GPC6: variants seen among roughly 807,000 people sequenced by gnomAD.
GPC6 encodes glypican-6.
GPC6 carries 14 observed loss-of-function variants against 55.2 expected under a neutral mutation model. That is an observed-to-expected ratio of 0.25 (90% CI 0.17 to 0.40). The LOEUF (loss-of-function observed/expected upper bound fraction) is 0.40. Among genes scored for constraint, GPC6 ranks in the 10% least tolerant of loss-of-function variants. GPC6 has a pLI of 1.00. For missense variants in GPC6, 641 were observed against 708.5 expected (o/e 0.90, Z 1.08); for synonymous variants, 278 against 259.6 (o/e 1.07, Z -0.68).
chr13:94,142,160 G>A (rs1217433137), intron 4 of GPC6, among the ~76,000 whole-genome samples: 1 of 152,238 alleles, frequency 6.6e-6, no homozygotes, highest in South Asian at 2.1e-4. Context: ...ATGTGAAGAC[G>A]CATTTAAAAG....
rs916638100 is a variant in GPC6, at chr13:94,254,937, G to A, written c.878-31412G>A. Among the ~76,000 whole-genome samples, 55 of 152,028 alleles carry A rather than the reference G, an allele frequency of 3.6e-4. 2 individuals carry two copies. Among genetic ancestry groups the A allele is most frequent in the Non-Finnish European group, 1.0e-4 (7 of 67,992 alleles). The stretch of plus-strand genomic sequence containing the variant: ...CTAAGTTTTTACATATAAATATTAG[G>A]AAATCATTTAGAACATCTGGAAAGC... On this transcript the variant is annotated intron_variant, in intron 4 of 8. Coordinates refer to ENST00000377047, the MANE Select transcript of GPC6 (RefSeq NM_005708.5).
At chr13:94,259,783 T>C (rs1891603955) in intron 4 of GPC6, among the ~76,000 whole-genome samples, 1 of 152,224 alleles carries the variant, frequency 6.6e-6, no homozygotes, top group South Asian at 2.1e-4. Context: ...GTCCTGCTTA[T>C]TTCACTTAGC....
chr13:94,357,779 T>C (rs2139176557), intron 6 of GPC6, among the ~76,000 whole-genome samples: 1 of 152,322 alleles, frequency 6.6e-6, no homozygotes, highest in African/African-American at 2.4e-5. Context: ...AAATACATAC[T>C]CTACACTCAG....
chr13:93,973,710 G>A (rs1019246265), intron 3 of GPC6, among the ~76,000 whole-genome samples: 1 of 152,114 alleles, frequency 6.6e-6, no homozygotes, highest in African/African-American at 2.4e-5. Context: ...CCCTGTTTCA[G>A]TTATTTTATA....
chr13:94,358,286 CA>C (rs572937217), intron 6 of GPC6, among the ~76,000 whole-genome samples: 2,010 of 63,878 alleles, frequency 0.031, 22 homozygotes, highest in African/African-American at 0.087. Flanking sequence ...AAGACTCCGT[CA>C]AAAAAAAAAA....
At chr13:93,882,764 T>G (rs899508671) in intron 3 of GPC6, among the ~76,000 whole-genome samples, 6 of 152,230 alleles carry the variant, frequency 3.9e-5, no homozygotes, top group African/African-American at 1.2e-4. Context: ...CTGTTCTGTC[T>G]TAAACCAAAC....
chr13:94,052,491 A>G (rs1037312102), intron 4 of GPC6, among the ~76,000 whole-genome samples: 23 of 152,296 alleles, frequency 1.5e-4, no homozygotes, highest in South Asian at 1.2e-3. Flanking sequence ...TATTTATGCT[A>G]TGGAGATTCA....
intron 3 of GPC6, among the ~76,000 whole-genome samples, chr13:94,002,838 G>A (rs1383152061): frequency 2.0e-5 from 3 of 152,134 alleles, no homozygotes; most frequent in Non-Finnish European, 4.4e-5. Context: ...CAATTGAGTT[G>A]AAAATATCCT....
At chr13:93,297,140 C>T (rs1426452597) in intron 1 of GPC6, among the ~76,000 whole-genome samples, 1 of 152,172 alleles carries the variant, frequency 6.6e-6, no homozygotes, top group Non-Finnish European at 1.5e-5. Context: ...TAATCCCTTA[C>T]TCTACCCTCC....
chr13:93,626,048 G>T (rs1384258943), intron 2 of GPC6, among the ~76,000 whole-genome samples: 1 of 152,058 alleles, frequency 6.6e-6, no homozygotes, highest in Non-Finnish European at 1.5e-5. Flanking sequence ...GAGGAAATTT[G>T]AGCGTAATAA....
chr13:94,023,316 T>A (rs1004170800), intron 3 of GPC6, among the ~76,000 whole-genome samples: 1 of 151,908 alleles, frequency 6.6e-6, no homozygotes. Flanking sequence ...TTTTTTTTTT[T>A]AATGTTGGAT....
At chr13:93,471,568 A>G (rs1195128744) in intron 1 of GPC6, among the ~76,000 whole-genome samples, 1 of 152,160 alleles carries the variant, frequency 6.6e-6, no homozygotes, top group Non-Finnish European at 1.5e-5. Flanking sequence ...TCATTTTATA[A>G]ACTCTGTCAC....
intron 1 of GPC6, among the ~76,000 whole-genome samples, chr13:93,447,482 C>T (rs938611149): frequency 6.6e-6 from 1 of 152,132 alleles, no homozygotes; most frequent in Non-Finnish European, 1.5e-5. Flanking sequence ...CCATTCTGCT[C>T]CATCTCACCA....
intron 8 of GPC6, 27 bp downstream of exon 8, chr13:94,398,668 A>G (rs375083488): frequency 1.8e-5 from 29 of 1,607,110 alleles, no homozygotes; most frequent in Non-Finnish European, 2.5e-5. Flanking sequence ...CAGCACCAGA[A>G]ATTTTCAAAG....
chr13:94,288,884 T>A (rs9524404), intron 5 of GPC6, among the ~76,000 whole-genome samples: 9 of 13,786 alleles, frequency 6.5e-4, no homozygotes, highest in East Asian at 3.2e-3. Flanking sequence ...TATATATAAC[T>A]AATATATATA....
chr13:94,381,034 C>T (rs1880131959), intron 6 of GPC6, among the ~76,000 whole-genome samples: 1 of 152,150 alleles, frequency 6.6e-6, no homozygotes, highest in South Asian at 2.1e-4. Flanking sequence ...CATCTTGGGA[C>T]ATCACATCAG....
chr13:94,081,114 C>T (rs777638878), intron 4 of GPC6, among the ~76,000 whole-genome samples: 2 of 152,152 alleles, frequency 1.3e-5, no homozygotes, highest in Non-Finnish European at 2.9e-5. Flanking sequence ...GTCCCTCAAG[C>T]AATAGGCTTA....
intron 4 of GPC6, among the ~76,000 whole-genome samples, chr13:94,134,988 A>C (rs1392478580): frequency 6.6e-6 from 1 of 152,194 alleles, no homozygotes; most frequent in Non-Finnish European, 1.5e-5. Flanking sequence ...CTCGTAACAG[A>C]AACATTGGCA....
chr13:93,892,990 GCAT>G (rs1364932193), intron 3 of GPC6, among the ~76,000 whole-genome samples: 4 of 86,698 alleles, frequency 4.6e-5, no homozygotes, highest in African/African-American at 1.3e-4. Context: ...AGCATTTAAT[GCAT>G]ATTGTCGTGT....
Sources: allele counts gnomAD v4.1 joint callset (sites outside exome capture counted in the v4.1 genomes callset), GRCh38; gene constraint gnomAD v4.1.1; transcripts MANE v1.5; gene names NCBI Gene and HGNC (gene_info 2026-07-23, HGNC 2026-07-21).